PCDH9: variants seen among roughly 807,000 people sequenced by gnomAD.
PCDH9 encodes protocadherin 9.
A neutral mutation model predicts 70.6 loss-of-function variants in PCDH9; 24 were observed. The observed-to-expected ratio is 0.34, with a 90% CI of 0.25 to 0.48. The LOEUF (loss-of-function observed/expected upper bound fraction) is 0.48, where lower values mean the gene tolerates loss of function less well. Among genes scored for constraint, PCDH9 ranks in the 20% least tolerant of loss-of-function variants. The pLI is 0.99. For missense variants in PCDH9, 1,281 were observed against 1,503.6 expected (o/e 0.85, Z 2.45); for synonymous variants, 562 against 558.5 (o/e 1.01, Z -0.09).
intron 2 of PCDH9, among the ~76,000 whole-genome samples, chr13:67,091,340 A>G (rs905160082): frequency 2.6e-5 from 4 of 152,174 alleles, no homozygotes; most frequent in African/African-American, 7.2e-5. Flanking sequence ...CAAGAGGTGA[A>G]GCTAATACAG....
intron 4 of PCDH9, among the ~76,000 whole-genome samples, chr13:66,458,766 C>T (rs143245569): frequency 1.3e-3 from 194 of 152,114 alleles, no homozygotes; most frequent in Non-Finnish European, 2.0e-3. Context: ...CCAAACCTTT[C>T]CTATGAGAAA....
At chr13:66,927,458 G>A (rs970828827) in intron 2 of PCDH9, among the ~76,000 whole-genome samples, 2 of 151,930 alleles carry the variant, frequency 1.3e-5, no homozygotes, top group Admixed American at 1.3e-4. Flanking sequence ...CTTAATACCT[G>A]GGTGATGAAA....
intron 2 of PCDH9, among the ~76,000 whole-genome samples, chr13:67,028,563 T>C (rs2084838483): frequency 6.8e-6 from 1 of 147,090 alleles, no homozygotes; most frequent in Non-Finnish European, 1.5e-5. Context: ...AAACTTTAAG[T>C]ATAATAATAA....
chr13:67,169,417 C>A (rs374868816), intron 2 of PCDH9, among the ~76,000 whole-genome samples: 1 of 152,114 alleles, frequency 6.6e-6, no homozygotes, highest in African/African-American at 2.4e-5. Flanking sequence ...ATACAAAATT[C>A]GTTCCAATTT....
chr13:66,391,823 G>T (rs887735773), intron 4 of PCDH9, among the ~76,000 whole-genome samples: 1 of 150,186 alleles, frequency 6.7e-6, no homozygotes, highest in Non-Finnish European at 1.5e-5. Context: ...TAAATCTAAT[G>T]TACAATTTGT....
chr13:66,737,738 C>CG (rs2079176341), intron 3 of PCDH9, among the ~76,000 whole-genome samples: 1 of 152,154 alleles, frequency 6.6e-6, no homozygotes, highest in African/African-American at 2.4e-5. Flanking sequence ...GGGTGACGGA[C>CG]GCACCTGGAA....
In PCDH9 at chr13:66,475,999, AG is replaced by A. The variant is rs555720905; in HGVS notation, c.3340+155210del. Reference sequence around the variant, plus strand: ...GTTAACTCTGGTTTTTCACAGTTTTAGGTTGAATGTTGTTTCTTACTCTTTC... The same window carrying A: ...GTTAACTCTGGTTTTTCACAGTTTTAGTTGAATGTTGTTTCTTACTCTTTC... On this transcript the variant is annotated intron_variant, in intron 4 of 4. Transcript: ENST00000377865. Among the ~76,000 whole-genome samples, 470 of 152,052 alleles carry A rather than the reference AG, an allele frequency of 3.1e-3. 2 individuals are homozygous for A. Among genetic ancestry groups the A allele is most frequent in the African/African-American group, 0.01 (426 of 41,526 alleles).
chr13:67,178,747 T>C (rs1172919387), intron 2 of PCDH9, among the ~76,000 whole-genome samples: 1 of 152,096 alleles, frequency 6.6e-6, no homozygotes, highest in East Asian at 1.9e-4. Flanking sequence ...GATCTCATCT[T>C]AAACATGTTA....
chr13:66,596,839 T>C (rs1288030112), intron 4 of PCDH9, among the ~76,000 whole-genome samples: 3 of 151,388 alleles, frequency 2.0e-5, no homozygotes, highest in Non-Finnish European at 3.0e-5. Context: ...CTTGAGTTGT[T>C]TGTGCTGTAG....
Position 66,946,344 on chromosome 13 carries a change from A to G in PCDH9, c.3037-42739T>C, listed in dbSNP as rs149486676. Among the ~76,000 whole-genome samples, 5 of 152,220 alleles carry G rather than the reference A, an allele frequency of 3.3e-5. No homozygotes were observed. In the East Asian group the frequency reaches 9.7e-4, roughly 29 times the overall value. On this transcript the variant is annotated intron_variant, in intron 2 of 4. Transcript: ENST00000377865. ...AAACTATCATACCTTCACATTTATG[A>G]GCACATATAGCATCCAAGCTGCACA...
intron 2 of PCDH9, among the ~76,000 whole-genome samples, chr13:67,088,026 CT>C (rs1313689067): frequency 1.3e-5 from 2 of 151,908 alleles, no homozygotes; most frequent in Non-Finnish European, 2.9e-5. Flanking sequence ...AGCCCAAAAG[CT>C]GCTGAGCCTC....
rs370290288 is a variant in PCDH9 at position 66,470,302 on chromosome 13, A to T, written c.3340+160908T>A. On this transcript the variant is annotated intron_variant, in intron 4 of 4. Coordinates refer to ENST00000377865, the MANE Select transcript of PCDH9 (RefSeq NM_203487.3). ...ACCTTAACAGCCCTTTTGTACTCAG[A>T]ATTATATATATCCTTCTGTTGAATT... 2.1e-4 allele frequency among the ~76,000 whole-genome samples: 32 copies of T among 152,260 alleles called. No homozygotes were observed. The East Asian group carries it at 5.2e-3, about 25-fold the overall frequency.
intron 4 of PCDH9, among the ~76,000 whole-genome samples, chr13:66,320,776 T>C (rs1955740295): frequency 6.6e-6 from 1 of 152,040 alleles, no homozygotes. Flanking sequence ...TTAGTTAATA[T>C]AACTACATTA....
At position 66,364,086 on chromosome 13, in the gene PCDH9, C is replaced by A. The variant is rs143185925; in HGVS notation, c.3341-59058G>T. Among the ~76,000 whole-genome samples, 89 of 151,936 alleles carry A rather than the reference C, an allele frequency of 5.9e-4. 1 individual carries two copies. In the East Asian group the frequency reaches 0.017, roughly 30 times the overall value. ...AGGAGAATCTCTTGAACCCAGGAGG[C>A]GGTGGTTGCAGTGAGCCAAGACCAC... On this transcript the variant is annotated intron_variant, in intron 4 of 4. Coordinates refer to ENST00000377865, the MANE Select transcript of PCDH9 (RefSeq NM_203487.3).
chr13:67,190,599 T>TG, intron 2 of PCDH9, among the ~76,000 whole-genome samples: 1 of 152,134 alleles, frequency 6.6e-6, no homozygotes, highest in Non-Finnish European at 1.5e-5. Context: ...AAATGCTGGG[T>TG]GGTCAGAATC....
intron 4 of PCDH9, among the ~76,000 whole-genome samples, chr13:66,334,480 C>G (rs1956000006): frequency 6.6e-6 from 1 of 151,888 alleles, no homozygotes; most frequent in African/African-American, 2.4e-5. Flanking sequence ...TGATGGAGAC[C>G]CCCAACAGAA....
intron 2 of PCDH9, among the ~76,000 whole-genome samples, chr13:67,114,097 A>G (rs1283924930): frequency 2.0e-5 from 3 of 152,242 alleles, no homozygotes; most frequent in Non-Finnish European, 4.4e-5. Flanking sequence ...CAACTGGTTA[A>G]TTCAATATTT....
intron 3 of PCDH9, among the ~76,000 whole-genome samples, chr13:66,652,565 T>A (rs1317350130): frequency 6.6e-6 from 1 of 151,676 alleles, no homozygotes; most frequent in African/African-American, 2.4e-5. Context: ...TAAAGTAATA[T>A]ACAAAGTTGG....
At chr13:66,948,103 A>T (rs1566312791) in intron 2 of PCDH9, among the ~76,000 whole-genome samples, 1 of 150,292 alleles carries the variant, frequency 6.7e-6, no homozygotes, top group Admixed American at 6.6e-5. Context: ...ATACTTTCAT[A>T]AATTGAAGTT....
Sources: gnomAD v4.1 joint callset for allele counts (sites outside exome capture counted in the v4.1 genomes callset) on GRCh38, gnomAD v4.1.1 for gene constraint, MANE v1.5 for transcripts, NCBI Gene and HGNC (gene_info 2026-07-23, HGNC 2026-07-21) for gene names.